PSMA1: variants seen among roughly 807,000 people sequenced by gnomAD.
PSMA1 encodes the protein proteasome subunit alpha type-1.
PSMA1 carries 3 observed loss-of-function variants against 38.4 expected under a neutral mutation model. The ratio of observed to expected loss-of-function variants is 0.08; its 90% CI spans 0.04 to 0.20. The LOEUF (loss-of-function observed/expected upper bound fraction) is 0.20. Ranked by LOEUF, PSMA1 falls within the 10% of genes least tolerant of loss-of-function variation. The pLI, the probability that PSMA1 is intolerant of heterozygous loss-of-function variation, is 1.00. For synonymous variants in PSMA1, 101 were observed against 107.1 expected, an observed-to-expected ratio of 0.94 and a Z score of 0.35; for missense variants, 227 against 325.3, an observed-to-expected ratio of 0.70 and a Z score of 2.32.
At position 14,520,371 on chromosome 11, in the gene PSMA1, T is replaced by C. The variant is rs1228264322; in HGVS notation, c.-72A>G. The stretch of plus-strand genomic sequence containing the variant: ...AAGGAGGTGCTGCCGAAAGTATCGC[T>C]CAGCGATCTACAGAGAAGTCTGCGG... On this transcript the variant is annotated 5_prime_UTR_variant, in exon 1 of 10. Coordinates refer to ENST00000396394, the MANE Select transcript of PSMA1 (RefSeq NM_002786.4). 6.2e-7 allele frequency: 1 copy of C among 1,614,000 alleles called. No individual in the cohort carries two copies. The highest frequency in any genetic ancestry group is 1.3e-5 in the African/African-American group (1 of 74,934).
At chr11:14,614,488 A>T (rs753692306) in intron 1 of PSMA1, among the ~76,000 whole-genome samples, 3 of 152,106 alleles carry the variant, frequency 2.0e-5, no homozygotes, top group Non-Finnish European at 4.4e-5. Context: ...TCTACTGTTC[A>T]TTGCCAACTA....
chr11:14,602,657 A>G (rs1439328612), intron 2 of PSMA1, among the ~76,000 whole-genome samples: 1 of 152,148 alleles, frequency 6.6e-6, no homozygotes. Context: ...TGGCGGTGAT[A>G]AAGTTTAAAT....
At chr11:14,638,545 CTATATATATA>C (rs1243564648) in intron 1 of PSMA1, among the ~76,000 whole-genome samples, 334 of 15,846 alleles carry the variant, frequency 0.021, 1 homozygote, top group Middle Eastern at 0.042. Flanking sequence ...CTCTCTCTCT[CTATATATATA>C]TATATATATA....
At chr11:14,634,945 A>G (rs1853093332) in intron 1 of PSMA1, among the ~76,000 whole-genome samples, 1 of 152,232 alleles carries the variant, frequency 6.6e-6, no homozygotes, top group African/African-American at 2.4e-5. Flanking sequence ...CTTGGAGCCC[A>G]CAGTTTATTT....
chr11:14,622,373 C>T (rs1852857864), intron 1 of PSMA1, among the ~76,000 whole-genome samples: 1 of 152,214 alleles, frequency 6.6e-6, no homozygotes, highest in Non-Finnish European at 1.5e-5. Flanking sequence ...TCATAATATA[C>T]TCTGAAGAAA....
intron 2 of PSMA1, among the ~76,000 whole-genome samples, chr11:14,551,552 G>A (rs980204328): frequency 3.9e-5 from 6 of 152,172 alleles, no homozygotes; most frequent in African/African-American, 1.4e-4. Flanking sequence ...TGCCTCTGAC[G>A]ATTGCAGCTC....
At chr11:14,513,102 G>A (rs1851371431) in intron 7 of PSMA1, among the ~76,000 whole-genome samples, 1 of 152,196 alleles carries the variant, frequency 6.6e-6, no homozygotes, top group Non-Finnish European at 1.5e-5. Context: ...TTGAAAACCT[G>A]TCCTGTCATA....
At chr11:14,531,599 A>G (rs1369101371) in intron 2 of PSMA1, among the ~76,000 whole-genome samples, 1 of 152,082 alleles carries the variant, frequency 6.6e-6, no homozygotes, top group Admixed American at 6.6e-5. Flanking sequence ...AGCTGGGATC[A>G]CAGTTCTGTG....
chr11:14,584,733 C>T (rs1047857033), intron 2 of PSMA1, among the ~76,000 whole-genome samples: 10 of 152,096 alleles, frequency 6.6e-5, no homozygotes, highest in African/African-American at 2.2e-4. Context: ...CTTTTAGTCC[C>T]GCAGTTTTCC....
At chr11:14,596,769 T>C (rs1425887297) in intron 2 of PSMA1, among the ~76,000 whole-genome samples, 1 of 152,258 alleles carries the variant, frequency 6.6e-6, no homozygotes, top group African/African-American at 2.4e-5. Flanking sequence ...TGGCCAGAAC[T>C]TCCAACGCTA....
At chr11:14,610,902 C>T in intron 2 of PSMA1, 1 of 1,520,408 alleles carries the variant, frequency 6.6e-7, no homozygotes, top group Middle Eastern at 1.7e-4. Context: ...TTTGTGGGGG[C>T]TCACATAGTG....
At chr11:14,564,784 C>T (rs1331353593) in intron 2 of PSMA1, among the ~76,000 whole-genome samples, 34 of 142,708 alleles carry the variant, frequency 2.4e-4, no homozygotes, top group Non-Finnish European at 4.5e-4. Flanking sequence ...TTCTTTCTTT[C>T]TTTTTTTTTT....
chr11:14,513,741 G>A (rs746605242), intron 6 of PSMA1, 42 bp from the exon 7 acceptor site: 3 of 1,547,480 alleles, frequency 1.9e-6, no homozygotes, highest in South Asian at 2.5e-5. Flanking sequence ...ATTTACTTTG[G>A]TTGAACTAAA....
At chr11:14,643,060 T>C (rs1415125080) in intron 1 of PSMA1, among the ~76,000 whole-genome samples, 1 of 151,792 alleles carries the variant, frequency 6.6e-6, no homozygotes, top group Admixed American at 6.6e-5. Flanking sequence ...GGCGAGACGT[T>C]AGTTCTTCGC....
intron 2 of PSMA1, among the ~76,000 whole-genome samples, chr11:14,549,915 G>A (rs1311651723): frequency 6.6e-6 from 1 of 152,012 alleles, no homozygotes; most frequent in Non-Finnish European, 1.5e-5. Context: ...ATGTTGGATG[G>A]GATCTTTGTT....
At chr11:14,509,376 C>T (rs1383196184) in intron 8 of PSMA1, among the ~76,000 whole-genome samples, 2 of 152,112 alleles carry the variant, frequency 1.3e-5, no homozygotes, top group African/African-American at 2.4e-5. Context: ...TGAACCACTA[C>T]TCTTCATCTT....
At chr11:14,633,512 C>T (rs1273340033) in intron 1 of PSMA1, among the ~76,000 whole-genome samples, 22 of 151,780 alleles carry the variant, frequency 1.4e-4, no homozygotes, top group Admixed American at 2.0e-4. Context: ...TCTCCAGCTG[C>T]GTGCTGGGAG....
intron 2 of PSMA1, among the ~76,000 whole-genome samples, chr11:14,529,942 C>T (rs991139436): frequency 5.9e-5 from 9 of 152,138 alleles, no homozygotes; most frequent in Non-Finnish European, 1.0e-4. Flanking sequence ...TGCAATTAGC[C>T]AAAATTTCTT....
intron 1 of PSMA1, among the ~76,000 whole-genome samples, chr11:14,619,830 A>G (rs1852820384): frequency 6.6e-6 from 1 of 152,176 alleles, no homozygotes; most frequent in Admixed American, 6.5e-5. Context: ...TTTGTGCCAA[A>G]TCAGCATAAC....
Sources: allele counts gnomAD v4.1 joint callset (sites outside exome capture counted in the v4.1 genomes callset), GRCh38; gene constraint gnomAD v4.1.1; transcripts MANE v1.5; gene names NCBI Gene and HGNC (gene_info 2026-07-23, HGNC 2026-07-21).